Variants in DNAJC6 observed in about 807,000 individuals in gnomAD.
DNAJC6 encodes DnaJ heat shock protein family (Hsp40) member C6.
Under a neutral mutation model 110.0 loss-of-function variants are expected in DNAJC6, and 34 were observed. The ratio of observed to expected loss-of-function variants is 0.31; its 90% CI spans 0.24 to 0.41. The LOEUF is 0.41. Among genes scored for constraint, DNAJC6 ranks in the 10% least tolerant of loss-of-function variants. The pLI, the probability that DNAJC6 is intolerant of heterozygous loss-of-function variation, is 1.00. For synonymous variants in DNAJC6, 406 were observed against 437.2 expected (o/e 0.93, Z 0.89); for missense variants, 1,031 against 1,207.8 (o/e 0.85, Z 2.17).
chr1:65,354,865 T>A (rs533979424), intron 1 of DNAJC6, among the ~76,000 whole-genome samples: 41 of 152,314 alleles, frequency 2.7e-4, no homozygotes, highest in African/African-American at 7.7e-4. Context: ...TCCAATTTTT[T>A]AATTGATTTT....
At chr1:65,280,469 A>G (rs1171011959) in intron 1 of DNAJC6, among the ~76,000 whole-genome samples, 5 of 152,140 alleles carry the variant, frequency 3.3e-5, no homozygotes, top group Non-Finnish European at 5.9e-5. Context: ...ATCCATTCAA[A>G]CTCTACTTTT....
At position 65,389,639 on chromosome 1, in the gene DNAJC6, T is replaced by C. The variant is rs1390081998; in HGVS notation, c.1468+12T>C. 2 of 1,613,240 alleles carry C rather than the reference T, an allele frequency of 1.2e-6. No individual in the cohort carries two copies. Among genetic ancestry groups the C allele is most frequent in the Non-Finnish European group, 1.7e-6 (2 of 1,179,202 alleles). Reference sequence around the variant, plus strand: ...TCTCTGTTGGCAAGGTATTTACAAGTGTTTCTTTAAGTCACATGGTTTGAT... The same window carrying C: ...TCTCTGTTGGCAAGGTATTTACAAGCGTTTCTTTAAGTCACATGGTTTGAT... On this transcript the variant is annotated intron_variant, in intron 11 of 18. Coordinates refer to ENST00000371069, the MANE Select transcript of DNAJC6 (RefSeq NM_001256864.2).
At chr1:65,408,880 G>A (rs1570388443) in intron 17 of DNAJC6, 97 bp downstream of exon 17, 3 of 1,390,888 alleles carry the variant, frequency 2.2e-6, no homozygotes, top group East Asian at 4.7e-5. Flanking sequence ...GTAACCTATT[G>A]TCTTAGCCCA....
At chr1:65,289,462 G>C (rs1457303612) in intron 1 of DNAJC6, among the ~76,000 whole-genome samples, 2 of 152,150 alleles carry the variant, frequency 1.3e-5, no homozygotes, top group Non-Finnish European at 2.9e-5. Flanking sequence ...CCAAAATGCT[G>C]AGATTACAGA....
intron 13 of DNAJC6, among the ~76,000 whole-genome samples, chr1:65,396,450 A>T: frequency 6.6e-6 from 1 of 151,752 alleles, no homozygotes; most frequent in Admixed American, 6.6e-5. Flanking sequence ...ATTCTTTCCC[A>T]CTTTACTCTC....
chr1:65,320,769 G>C (rs543185961), intron 1 of DNAJC6, among the ~76,000 whole-genome samples: 1 of 152,212 alleles, frequency 6.6e-6, no homozygotes, highest in East Asian at 1.9e-4. Flanking sequence ...TTCTATGGAG[G>C]GCTAGAGCAA....
chr1:65,280,085 A>AATAATAT (rs1653798047), intron 1 of DNAJC6, among the ~76,000 whole-genome samples: 2 of 152,344 alleles, frequency 1.3e-5, no homozygotes, highest in Middle Eastern at 3.4e-3. Context: ...CGAGATTAGA[A>AATAATAT]ATAATATATT....
intron 1 of DNAJC6, among the ~76,000 whole-genome samples, chr1:65,267,910 G>A (rs1290927372): frequency 6.7e-6 from 1 of 150,074 alleles, no homozygotes; most frequent in Non-Finnish European, 1.5e-5. Flanking sequence ...GTGTGTGTGT[G>A]TAGGTGTGAC....
chr1:65,382,636 T>C (rs1485332669), intron 5 of DNAJC6, among the ~76,000 whole-genome samples: 1 of 152,196 alleles, frequency 6.6e-6, no homozygotes, highest in Admixed American at 6.5e-5. Flanking sequence ...GGAAAAAATC[T>C]AGGGGTTTTA....
intron 1 of DNAJC6, among the ~76,000 whole-genome samples, chr1:65,296,591 T>TA (rs1189056594): frequency 2.0e-5 from 3 of 149,746 alleles, no homozygotes; most frequent in African/African-American, 7.4e-5. Flanking sequence ...CACATCTTTT[T>TA]TTTTTTTTTT....
chr1:65,395,766 C>T (rs1158560714), intron 13 of DNAJC6, among the ~76,000 whole-genome samples: 1 of 151,994 alleles, frequency 6.6e-6, no homozygotes, highest in Admixed American at 6.6e-5. Flanking sequence ...ACATATGTGG[C>T]CCAAATTATA....
At chr1:65,364,193 C>T (rs1475926304) in intron 1 of DNAJC6, among the ~76,000 whole-genome samples, 1 of 152,102 alleles carries the variant, frequency 6.6e-6, no homozygotes, top group African/African-American at 2.4e-5. Context: ...ATTGATTTTA[C>T]AGCTATAATT....
intron 12 of DNAJC6, among the ~76,000 whole-genome samples, chr1:65,393,615 T>A (rs1479949598): frequency 1.3e-5 from 2 of 152,324 alleles, no homozygotes; most frequent in Non-Finnish European, 2.9e-5. Flanking sequence ...GACTCAAACC[T>A]TCTACTATGA....
chr1:65,279,320 T>C, intron 1 of DNAJC6: 1 of 263,644 alleles, frequency 3.8e-6, no homozygotes, highest in Non-Finnish European at 5.9e-6. Flanking sequence ...TTTAGAGAGG[T>C]AGCTGCAGGG....
chr1:65,293,640 TG>T (rs1490100612), intron 1 of DNAJC6, among the ~76,000 whole-genome samples: 2 of 151,950 alleles, frequency 1.3e-5, no homozygotes, highest in East Asian at 3.9e-4. Context: ...TGAGGGTGAG[TG>T]GGATGAATGT....
At chr1:65,396,170 C>G (rs1645975191) in intron 13 of DNAJC6, among the ~76,000 whole-genome samples, 1 of 152,180 alleles carries the variant, frequency 6.6e-6, no homozygotes, top group African/African-American at 2.4e-5. Context: ...TGAAGTGCAT[C>G]CTCAGGACAA....
At chr1:65,264,976 G>A (rs1338373053) in intron 1 of DNAJC6, 1 of 1,579,576 alleles carries the variant, frequency 6.3e-7, no homozygotes, top group Admixed American at 1.7e-5. Context: ...AGGGCTAAAG[G>A]CTAAAAGATG....
rs765578345 is a variant in DNAJC6, at chr1:65,413,072, T to C, written c.*47T>C. On this transcript the variant is annotated 3_prime_UTR_variant, in exon 19 of 19. Coordinates refer to ENST00000371069, the MANE Select transcript of DNAJC6 (RefSeq NM_001256864.2). ...GCTGCAGACCTGTGCTAATGCTTAG[T>C]GTGTGTCACAATTCTGAGGTTTTCG... 1.6e-5 allele frequency: 25 copies of C among 1,550,278 alleles called. No individual in the cohort carries two copies. Among genetic ancestry groups the C allele is most frequent in the Non-Finnish European group, 2.1e-5 (24 of 1,130,352 alleles).
chr1:65,268,624 T>A (rs748890103), intron 1 of DNAJC6, among the ~76,000 whole-genome samples: 17 of 152,230 alleles, frequency 1.1e-4, no homozygotes, highest in Non-Finnish European at 1.9e-4. Flanking sequence ...GGTCTTTTTT[T>A]ATCTCCAAAA....
Sources: allele counts gnomAD v4.1 joint callset (sites outside exome capture counted in the v4.1 genomes callset), GRCh38; gene constraint gnomAD v4.1.1; transcripts MANE v1.5; gene names NCBI Gene and HGNC (gene_info 2026-07-23, HGNC 2026-07-21).